ZPBP: variants seen among roughly 807,000 people sequenced by gnomAD.
ZPBP encodes zona pellucida-binding protein 1.
In ZPBP, 26 loss-of-function variants were observed where a neutral mutation model predicts 44.8. The observed-to-expected ratio is 0.58, with a 90% confidence interval of 0.43 to 0.81. The LOEUF (loss-of-function observed/expected upper bound fraction) is 0.81. Among genes scored for constraint, ZPBP ranks in the 30% least tolerant of loss-of-function variants. ZPBP has a pLI of 0.00. For synonymous variants in ZPBP, 174 were observed against 153.2 expected, an observed-to-expected ratio of 1.14 and a Z score of -1.00; for missense variants, 409 against 434.0, an observed-to-expected ratio of 0.94 and a Z score of 0.51.
chr7:49,942,465 C>T (rs1390507459), intron 7 of ZPBP: 1 of 153,854 alleles, frequency 6.5e-6, no homozygotes, highest in Non-Finnish European at 1.5e-5. Flanking sequence ...CTGCTTATTT[C>T]CTTTTTTGGT....
rs1794667735 is a variant in ZPBP at position 49,937,618 on chromosome 7, G to A, written c.966C>T (p.Ile322=). The A allele has an allele frequency of 6.2e-7, 1 of 1,612,662 alleles. No homozygotes were observed. Among genetic ancestry groups the A allele is most frequent in the Admixed American group, 1.7e-5 (1 of 59,982 alleles). ...GGGGGTTATATGATCCAGGGCTGCA[G>A]ATCACTGTGAAAAAAGAGTAAGTTA... The part of the protein sequence containing the change: ...QHPKCPECCV[I]CSPGSYNPRD... The change falls in exon 8 of 8, where the codon ATC becomes ATT. Residue 322 remains isoleucine, a synonymous_variant. Transcript: ENST00000046087.
chr7:50,006,229 T>C (rs1483080), intron 6 of ZPBP, among the ~76,000 whole-genome samples: 123,928 of 151,860 alleles, frequency 0.82, 50,724 homozygotes, highest in East Asian at 0.92. Flanking sequence ...CCATAAAGAT[T>C]AGTATGTAAA....
chr7:49,887,808 A>G (rs1791964387), intron 2 of ZPBP, among the ~76,000 whole-genome samples: 1 of 152,142 alleles, frequency 6.6e-6, no homozygotes, highest in Admixed American at 6.5e-5. Flanking sequence ...TAGATATGGA[A>G]CTTCTCTCCC....
intron 7 of ZPBP, among the ~76,000 whole-genome samples, chr7:49,946,502 GC>G (rs1795109999): frequency 6.6e-6 from 1 of 151,662 alleles, no homozygotes; most frequent in Admixed American, 6.6e-5. Flanking sequence ...TTTTCCTTCA[GC>G]AATTTAAATA....
chr7:50,008,647 A>G lies in ZPBP; in HGVS notation c.783+9593T>C, dbSNP rs190890234. 4.6e-5 allele frequency among the ~76,000 whole-genome samples: 7 copies of G among 152,228 alleles called. No individual in the cohort carries two copies. The East Asian group carries it at 1.2e-3, about 25-fold the overall frequency. ...ACAAAGTTACAGTAATCAAAACAGT[A>G]TGGTACTGGCATAAAGACAGACAAA... On this transcript the variant is annotated intron_variant, in intron 6 of 7. Coordinates refer to ENST00000046087, the MANE Select transcript of ZPBP (RefSeq NM_007009.3).
intron 2 of ZPBP, among the ~76,000 whole-genome samples, chr7:49,859,544 C>T (rs1045573720): frequency 4.6e-5 from 7 of 152,172 alleles, no homozygotes. Flanking sequence ...CAATGGGACC[C>T]TCAGTACATC....
rs1318839946 is a variant in ZPBP, at chr7:50,093,131, G to A, written c.64C>T (p.Leu22=). ...GRRRTRAAGS[L]LSRAAILLFI... ...AGGAGGATGGCGGCCCGAGAGAGCA[G>A]GGAGCCGGCGGCCCGGGTCCGCCGC... Residue 22 remains leucine (L), a synonymous_variant, in exon 1 of 8, where the codon CTG becomes TTG. Transcript: ENST00000046087. 1 of 1,561,338 alleles carries A rather than the reference G, an allele frequency of 6.4e-7. No homozygotes were observed. Among genetic ancestry groups the A allele is most frequent in the African/African-American group, 1.4e-5 (1 of 72,834 alleles).
At chr7:49,896,369 C>T (rs1023895438) in intron 2 of ZPBP, among the ~76,000 whole-genome samples, 1 of 152,068 alleles carries the variant, frequency 6.6e-6, no homozygotes, top group African/African-American at 2.4e-5. Flanking sequence ...CACATCACAA[C>T]TTGTGAGAGA....
chr7:50,056,466 T>A (rs1481132173), intron 4 of ZPBP: 2 of 152,236 alleles, frequency 1.3e-5, no homozygotes, highest in Non-Finnish European at 1.5e-5. Context: ...TTCAGGATAA[T>A]CTCCTCATCT....
intron 7 of ZPBP, among the ~76,000 whole-genome samples, chr7:49,948,596 T>C (rs11185596): frequency 0.78 from 118,248 of 152,026 alleles, 46,153 homozygotes; most frequent in East Asian, 0.89. Flanking sequence ...ACACAAATGG[T>C]CAATAAGTAT....
At chr7:49,899,284 T>C (rs981499177) in intron 2 of ZPBP, among the ~76,000 whole-genome samples, 2 of 152,048 alleles carry the variant, frequency 1.3e-5, no homozygotes, top group African/African-American at 4.8e-5. Flanking sequence ...CCAGGAAAGA[T>C]GGCATGGGAT....
downstream of ZPBP, among the ~76,000 whole-genome samples, chr7:49,932,891 C>T (rs1019849168): frequency 2.0e-5 from 3 of 152,074 alleles, no homozygotes; most frequent in Admixed American, 6.5e-5. Context: ...AATGGGAGTT[C>T]CCCTGCTCAT....
At chr7:50,031,456 C>G in intron 4 of ZPBP, 146 bp from the exon 5 acceptor site, 1 of 665,238 alleles carries the variant, frequency 1.5e-6, no homozygotes, top group South Asian at 2.2e-5. Context: ...AGTTCTCCAA[C>G]ACTTATCTTG....
At chr7:49,863,488 A>G (rs892281415) in intron 2 of ZPBP, among the ~76,000 whole-genome samples, 3 of 151,976 alleles carry the variant, frequency 2.0e-5, no homozygotes, top group Non-Finnish European at 4.4e-5. Flanking sequence ...GCTGGAGTGC[A>G]TGGCATGATC....
intron 6 of ZPBP, among the ~76,000 whole-genome samples, chr7:50,009,630 A>G (rs527764373): frequency 6.6e-6 from 1 of 152,076 alleles, no homozygotes; most frequent in Non-Finnish European, 1.5e-5. Context: ...AACCATCCCT[A>G]AACATCTCAC....
At position 50,032,598 on chromosome 7, in the gene ZPBP, GGCT is replaced by G. The variant is rs370806334; in HGVS notation, c.488-1291_488-1289del. ...AAAAGAGTTAACGTTGCAGGTGGGA[GGCT>G]GCTTGCAGGATTAGCCCTTGGCTGG... On this transcript the variant is annotated intron_variant, in intron 4 of 7. Coordinates refer to ENST00000046087, the MANE Select transcript of ZPBP (RefSeq NM_007009.3). 9.9e-5 allele frequency among the ~76,000 whole-genome samples: 15 copies of G among 152,246 alleles called. No homozygotes were observed. In the East Asian group the frequency reaches 2.3e-3, roughly 24 times the overall value.
intron 1 of ZPBP, among the ~76,000 whole-genome samples, chr7:49,903,986 T>TG (rs1792937016): frequency 6.6e-6 from 1 of 152,150 alleles, no homozygotes; most frequent in Non-Finnish European, 1.5e-5. Flanking sequence ...TTACATAGCA[T>TG]GGGGGAAGGC....
intron 1 of ZPBP, chr7:49,920,936 A>G (rs1272033856): frequency 6.6e-6 from 1 of 152,210 alleles, no homozygotes; most frequent in Non-Finnish European, 1.5e-5. Flanking sequence ...TACATTTATG[A>G]ATTTCTGACA....
chr7:50,059,916 C>A (rs144169007), intron 3 of ZPBP, among the ~76,000 whole-genome samples: 7 of 152,094 alleles, frequency 4.6e-5, no homozygotes, highest in African/African-American at 1.7e-4. Flanking sequence ...GCATCTCCCA[C>A]CAAGAGATAA....
Sources: allele counts gnomAD v4.1 joint callset (sites outside exome capture counted in the v4.1 genomes callset), GRCh38; gene constraint gnomAD v4.1.1; transcripts MANE v1.5; gene names NCBI Gene and HGNC (gene_info 2026-07-23, HGNC 2026-07-21).